Variants in IGSF9B observed in about 807,000 individuals in gnomAD.
IGSF9B encodes the protein protein turtle homolog B.
In IGSF9B, 48 loss-of-function variants were observed where a neutral mutation model predicts 143.7. The ratio of observed to expected loss-of-function variants is 0.33; its 90% CI spans 0.26 to 0.42. The LOEUF is 0.42. Among genes scored for constraint, IGSF9B ranks in the 20% least tolerant of loss-of-function variants. The probability of loss-of-function intolerance (pLI) is 1.00; values close to 1 mark genes in which losing one functional copy is unlikely to be tolerated. For synonymous variants in IGSF9B, 903 were observed against 833.1 expected, an observed-to-expected ratio of 1.08 and a Z score of -1.44; for missense variants, 1,706 against 1,980.0, an observed-to-expected ratio of 0.86 and a Z score of 2.63.
At chr11:133,939,662 C>T (rs1039076022) in intron 3 of IGSF9B, among the ~76,000 whole-genome samples, 8 of 152,292 alleles carry the variant, frequency 5.3e-5, no homozygotes, top group African/African-American at 1.7e-4. Context: ...TCAGTGCAAG[C>T]GCAGCAGGGG....
rs1939248513 is a variant in IGSF9B at position 133,908,588 on chromosome 11, T to TAC, written c.*480_*481insGT. 6.7e-6 allele frequency: 1 copy of TAC among 150,352 alleles called. No individual in the cohort carries two copies. The highest frequency in any genetic ancestry group is 1.5e-5 in the Non-Finnish European group (1 of 67,748). 9.3% of individuals were successfully genotyped at this position (150,352 alleles called of 1,614,324 possible). A position where few individuals can be genotyped will look rare whatever the true frequency, so the allele number is the denominator to read the frequency against. ...CTTTGCCTCAATGTACATATATATA[T>TAC]ATATATATACACACATAGAGAAACC... On this transcript the variant is annotated 3_prime_UTR_variant, in exon 20 of 20. Transcript: ENST00000533871.
In IGSF9B at chr11:133,936,341, T is replaced by C; in HGVS notation, c.680-147A>G. ...GTCATGGAGACACTTCCAGATGCTATCTGTGCTCAGGCATCCTGTCCACCA... is the reference window on the plus strand; with the variant it reads ...GTCATGGAGACACTTCCAGATGCTACCTGTGCTCAGGCATCCTGTCCACCA... On this transcript the variant is annotated intron_variant, in intron 5 of 19. Transcript: ENST00000533871. The C allele has an allele frequency of 5.6e-6, 4 of 719,704 alleles. No homozygotes were observed. In the South Asian group the frequency reaches 7.2e-5, roughly 13 times the overall value. 44.6% of individuals were successfully genotyped at this position (719,704 alleles called of 1,614,324 possible).
In IGSF9B at chr11:133,945,996, G is replaced by T. The variant is rs1387313085; in HGVS notation, c.262+65C>A. The T allele has an allele frequency of 4.3e-6, 5 of 1,161,828 alleles. No individual in the cohort carries two copies. The East Asian group carries it at 1.3e-4, about 30-fold the overall frequency. 72.0% of individuals were successfully genotyped at this position (1,161,828 alleles called of 1,614,324 possible). Reference sequence around the variant, plus strand: ...TGGTCAGGACAAGGCAGGGGCCAGAGGGGAACCACCGAGGAGCTGACTCCA... The same window carrying T: ...TGGTCAGGACAAGGCAGGGGCCAGATGGGAACCACCGAGGAGCTGACTCCA... On this transcript the variant is annotated intron_variant, in intron 2 of 19. Transcript: ENST00000533871. This position sits in a 1 kb window ranked among gnomAD's most constrained non-coding sequence, Gnocchi z 4.6.
In IGSF9B at chr11:133,935,639, G is replaced by A. The variant is rs1399866351; in HGVS notation, c.945C>T (p.Ala315=). Residue 315 remains alanine, a synonymous_variant, in exon 7 of 20, where the codon GCC becomes GCT. Coordinates refer to ENST00000533871, the MANE Select transcript of IGSF9B (RefSeq NM_001277285.4). ...PSNSLGRSPS[A]SAYLTVQYPA... Reference sequence around the variant, plus strand: ...CACACTGCACGGTCAGGTACGCCGAGGCGGAGGGGGAGCGCCCCAGGCTGT... The same window carrying A: ...CACACTGCACGGTCAGGTACGCCGAAGCGGAGGGGGAGCGCCCCAGGCTGT... The A allele has an allele frequency of 6.2e-7, 1 of 1,610,808 alleles. No homozygotes were observed. Among genetic ancestry groups the A allele is most frequent in the East Asian group, 2.2e-5 (1 of 44,760 alleles).
chr11:133,901,504 C>T lies in IGSF9B; in HGVS notation c.*7565G>A, dbSNP rs1253064406. 2.6e-5 allele frequency: 4 copies of T among 152,286 alleles called. No homozygotes were observed. Among genetic ancestry groups the T allele is most frequent in the Non-Finnish European group, 5.9e-5 (4 of 68,034 alleles). 9.4% of individuals were successfully genotyped at this position (152,286 alleles called of 1,614,324 possible). ...TGCCCGGCACTCATCTCTTGCCCTC[C>T]CGCTCCCCACACCCGAGTGCCACTC... On this transcript the variant is annotated 3_prime_UTR_variant, in exon 20 of 20. Coordinates refer to ENST00000533871, the MANE Select transcript of IGSF9B (RefSeq NM_001277285.4).
At chr11:133,951,054 T>TCCAGGAGATTCCAGGAAG (rs1940148773) in intron 1 of IGSF9B, among the ~76,000 whole-genome samples, 1 of 151,510 alleles carries the variant, frequency 6.6e-6, no homozygotes, top group African/African-American at 2.4e-5. Context: ...GCCAGGAGGC[T>TCCAGGAGATTCCAGGAAG]CCAGGAGATT....
In IGSF9B at chr11:133,919,819, T is replaced by C. The variant is rs753514005; in HGVS notation, c.3906A>G (p.Gly1302=). 4 of 1,553,194 alleles carry C rather than the reference T, an allele frequency of 2.6e-6. No individual in the cohort carries two copies. The South Asian group carries it at 4.9e-5, about 19-fold the overall frequency. The change falls in exon 18 of 20, where the codon GGA becomes GGG. Residue 1302 remains glycine, a synonymous_variant. Coordinates refer to ENST00000533871, the MANE Select transcript of IGSF9B (RefSeq NM_001277285.4). The part of the protein sequence containing the change: ...AGPGDSLDVF[G]QTPSPRRTGE... Reference sequence around the variant, plus strand: ...CCGTCCTTCGAGGGGAAGGCGTCTGTCCAAACACGTCCAAGCTGTCCCCAG... The same window carrying C: ...CCGTCCTTCGAGGGGAAGGCGTCTGCCCAAACACGTCCAAGCTGTCCCCAG...
At position 133,935,518 on chromosome 11, in the gene IGSF9B, A is replaced by G. The variant is rs1269180075; in HGVS notation, c.967+99T>C. On this transcript the variant is annotated intron_variant, in intron 7 of 19. Coordinates refer to ENST00000533871, the MANE Select transcript of IGSF9B (RefSeq NM_001277285.4). Reference sequence around the variant, plus strand: ...TCGCTCCTCCACCTACATGCCCCCAAATGATGCTTGGTCTTTGCTACCCTC... The same window carrying G: ...TCGCTCCTCCACCTACATGCCCCCAGATGATGCTTGGTCTTTGCTACCCTC... 2.2e-6 allele frequency: 3 copies of G among 1,341,588 alleles called. No individual in the cohort carries two copies. In the African/African-American group the frequency reaches 4.4e-5, roughly 20 times the overall value. The allele number at this position is 1,341,588 out of a possible 1,614,324, so 83.1% of individuals were successfully genotyped here.
rs1939723566 is a variant in IGSF9B at position 133,931,277 on chromosome 11, A to G, written c.1369-143T>C. 1.0e-6 allele frequency: 1 copy of G among 978,282 alleles called. No homozygotes were observed. The highest frequency in any genetic ancestry group is 1.5e-6 in the Non-Finnish European group (1 of 650,232). 60.6% of individuals were successfully genotyped at this position (978,282 alleles called of 1,614,324 possible). On this transcript the variant is annotated intron_variant, in intron 10 of 19. Transcript: ENST00000533871. The surrounding 1 kb of genome is among the most constrained non-coding windows in gnomAD (Gnocchi z 7.7). Reference sequence around the variant, plus strand: ...CGAGTGCCTGCCGCTCTTCAGGGTCAGCTCACTGCTCGGCATCTAGCCTGG... The same window carrying G: ...CGAGTGCCTGCCGCTCTTCAGGGTCGGCTCACTGCTCGGCATCTAGCCTGG...
At chr11:133,930,942 G>A (rs1939714756) in intron 11 of IGSF9B, 42 bp downstream of exon 11, 2 of 1,558,916 alleles carry the variant, frequency 1.3e-6, no homozygotes, top group Non-Finnish European at 8.7e-7. Flanking sequence ...CAGCCAGCCT[G>A]CTCTGTCCCC....
Position 133,920,550 on chromosome 11 carries a change from G to T in IGSF9B, c.3175C>A (p.His1059Asn). The T allele has an allele frequency of 1.9e-6, 3 of 1,612,452 alleles. No individual in the cohort carries two copies. Among genetic ancestry groups the T allele is most frequent in the Non-Finnish European group, 2.5e-6 (3 of 1,179,316 alleles). Residue 1059 changes from histidine to asparagine, a missense_variant, in exon 18 of 20, where the codon CAC (histidine) becomes AAC (asparagine). This residue lies in a region of IGSF9B where 880 missense variants were observed against 762.9 expected (regional missense o/e 1.15). Coordinates refer to ENST00000533871, the MANE Select transcript of IGSF9B (RefSeq NM_001277285.4). ...GGCACATCACAGGGTGGCAGCTGGT[G>T]GGGGAACATCATCGCTGGGGTCTCC... ...GLETPAMMFP[H>N]QLPPCDVPES...
Position 133,953,152 on chromosome 11 carries a change from G to A in IGSF9B, c.64+3539C>T, listed in dbSNP as rs1440566977. Among the ~76,000 whole-genome samples the A allele has an allele frequency of 1.3e-5, 2 of 152,134 alleles. No individual in the cohort carries two copies. Among genetic ancestry groups the A allele is most frequent in the Non-Finnish European group, 2.9e-5 (2 of 68,018 alleles). On this transcript the variant is annotated intron_variant, in intron 1 of 19. Coordinates refer to ENST00000533871, the MANE Select transcript of IGSF9B (RefSeq NM_001277285.4). The surrounding 1 kb of genome is among the most constrained non-coding windows in gnomAD (Gnocchi z 4.2). The stretch of plus-strand genomic sequence containing the variant: ...TGGAGTGAGGGCCAGAGTGATGCTG[G>A]GGCTCAGAATCTTCCAGCGAGGCAG...
rs1209036613 is a variant in IGSF9B, at chr11:133,899,273, C to G, written c.*9796G>C. 2 of 152,578 alleles carry G rather than the reference C, an allele frequency of 1.3e-5. No individual in the cohort carries two copies. The highest frequency in any genetic ancestry group is 1.3e-4 in the Admixed American group (2 of 15,294). The allele number at this position is 152,578 out of a possible 1,614,324, so 9.5% of individuals were successfully genotyped here. ...CACACTCATCCACCTGTCGCCCCAA[C>G]TGATGCCACAAGCGGTTCCCAGGCC... On this transcript the variant is annotated 3_prime_UTR_variant, in exon 20 of 20. Transcript: ENST00000533871.
At position 133,946,192 on chromosome 11, in the gene IGSF9B, C is replaced by T. The variant is rs377720540; in HGVS notation, c.131G>A (p.Arg44Gln). Residue 44 changes from arginine to glutamine, a missense_variant, in exon 2 of 20, where the codon CGA becomes CAA. Physicochemically the swap from Arg to Gln is conservative, Grantham distance 43. Transcript: ENST00000533871. ...TARAGESVVL[R>Q]CDVIHPVTGQ... ...CGTCACTGGGTGGATCACGTCGCATCGCAGGACCACGCTCTCCCCAGCTCT... is the reference window on the plus strand; with the variant it reads ...CGTCACTGGGTGGATCACGTCGCATTGCAGGACCACGCTCTCCCCAGCTCT... The T allele has an allele frequency of 2.1e-5, 34 of 1,613,526 alleles. No individual in the cohort carries two copies. Among genetic ancestry groups the T allele is most frequent in the Non-Finnish European group, 2.6e-5 (31 of 1,179,748 alleles).
chr11:133,943,009 T>C (rs918410167), intron 3 of IGSF9B, among the ~76,000 whole-genome samples: 1 of 152,148 alleles, frequency 6.6e-6, no homozygotes, highest in Admixed American at 6.5e-5. Context: ...CCTGGACAAG[T>C]TCTCAGACCC....
In IGSF9B at chr11:133,945,535, G is replaced by A. The variant is rs556978818; in HGVS notation, c.262+526C>T. 1.1e-4 allele frequency among the ~76,000 whole-genome samples: 17 copies of A among 152,292 alleles called. No individual in the cohort carries two copies. Among genetic ancestry groups the A allele is most frequent in the African/African-American group, 3.6e-4 (15 of 41,578 alleles). On this transcript the variant is annotated intron_variant, in intron 2 of 19. Coordinates refer to ENST00000533871, the MANE Select transcript of IGSF9B (RefSeq NM_001277285.4). This position sits in a 1 kb window ranked among gnomAD's most constrained non-coding sequence, Gnocchi z 4.6. ...GGGGCAGGCAGCGGCAGTGAGTCAC[G>A]AGGCCTTTGCTGGCAGGAGTAACTG...
chr11:133,936,586 A>G (rs535383352), intron 5 of IGSF9B, among the ~76,000 whole-genome samples: 160 of 152,296 alleles, frequency 1.1e-3, no homozygotes, highest in African/African-American at 3.6e-3. Context: ...CCGAGGAGTA[A>G]GCAGAGGGTG....
chr11:133,946,392 AG>A (rs976586292), intron 1 of IGSF9B, 134 bp from the exon 2 acceptor site: 1 of 722,960 alleles, frequency 1.4e-6, no homozygotes, highest in African/African-American at 1.7e-5. Context: ...CCCTCCCAGG[AG>A]GGTCCCAGGC....
At position 133,925,789 on chromosome 11, in the gene IGSF9B, C is replaced by T. The variant is rs1004437425; in HGVS notation, c.1984G>A (p.Asp662Asn). The T allele has an allele frequency of 4.3e-6, 7 of 1,613,764 alleles. No homozygotes were observed. The highest frequency in any genetic ancestry group is 2.7e-5 in the African/African-American group (2 of 74,936). Residue 662 changes from aspartate (D) to asparagine (N), a missense_variant, in exon 14 of 20, where the codon GAT (aspartate) becomes AAT (asparagine). By Grantham distance (23) the Asp-to-Asn change is conservative (BLOSUM62 1). Coordinates refer to ENST00000533871, the MANE Select transcript of IGSF9B (RefSeq NM_001277285.4). ...TCTCCTTCGGTGCCGGGGATGCCATCGTCGAGCAACTCCCAGCGCTCTGCG... is the reference window on the plus strand; with the variant it reads ...TCTCCTTCGGTGCCGGGGATGCCATTGTCGAGCAACTCCCAGCGCTCTGCG... ...RVAERWELLD[D>N]GIPGTEGEFF...
Sources: allele counts gnomAD v4.1 joint callset (sites outside exome capture counted in the v4.1 genomes callset), GRCh38; gene constraint gnomAD v4.1.1; regional missense constraint gnomAD v4.1.1; non-coding constraint Gnocchi (gnomAD v3.1); transcripts MANE v1.5; gene names NCBI Gene and HGNC (gene_info 2026-07-23, HGNC 2026-07-21).